DNAH9: variants seen among roughly 807,000 people sequenced by gnomAD.
DNAH9 encodes dynein axonemal heavy chain 9, also known as DNAH9 variant protein.
DNAH9 carries 345 observed loss-of-function variants against 471.6 expected under a neutral mutation model. That is an observed-to-expected ratio of 0.73 (90% CI 0.67 to 0.80). The LOEUF is 0.80. Ranked by LOEUF, DNAH9 falls within the 30% of genes least tolerant of loss-of-function variation. The pLI is 0.00. For synonymous variants in DNAH9, 2,093 were observed against 2,123.6 expected, an observed-to-expected ratio of 0.99 and a Z score of 0.40; for missense variants, 5,407 against 5,609.2, an observed-to-expected ratio of 0.96 and a Z score of 1.15.
intron 59 of DNAH9, among the ~76,000 whole-genome samples, chr17:11,896,486 A>G (rs1044289229): frequency 6.6e-6 from 1 of 152,236 alleles, no homozygotes; most frequent in Admixed American, 6.5e-5. Flanking sequence ...CAAATAATAA[A>G]GTTGTAATTT....
At chr17:11,885,293 G>T (rs1199686452) in intron 56 of DNAH9, among the ~76,000 whole-genome samples, 2 of 152,186 alleles carry the variant, frequency 1.3e-5, no homozygotes, top group Non-Finnish European at 2.9e-5. Context: ...GGGAGGAGGT[G>T]CTTCCCTTGA....
rs1972797685 is a variant in DNAH9 at position 11,883,699 on chromosome 17, G to A, written c.10920G>A (p.Leu3640=). The change falls in exon 56 of 69, where the codon CTG becomes CTA. Residue 3640 remains leucine, a synonymous_variant. Transcript: ENST00000262442. ...ASGNFLGETV[L]VENLEITKQT... The stretch of plus-strand genomic sequence containing the variant: ...GGAACTTCCTGGGAGAAACAGTGCT[G>A]GTGGAAAACCTAGAGATCACCAAGC... 2 of 1,614,148 alleles carry A rather than the reference G, an allele frequency of 1.2e-6. No homozygotes were observed. Among genetic ancestry groups the A allele is most frequent in the Non-Finnish European group, 1.7e-6 (2 of 1,180,024 alleles).
At position 11,605,386 on chromosome 17, in the gene DNAH9, G is replaced by A. The variant is rs188221679; in HGVS notation, c.418-2743G>A. 1.1e-3 allele frequency among the ~76,000 whole-genome samples: 174 copies of A among 152,192 alleles called. 1 individual carries two copies. Among genetic ancestry groups the A allele is most frequent in the Middle Eastern group, 0.01 (3 of 292 alleles). On this transcript the variant is annotated intron_variant, in intron 1 of 68. Coordinates refer to ENST00000262442, the MANE Select transcript of DNAH9 (RefSeq NM_001372.4). ...AGAAATTTTTGACTGTTTTGTTCAC[G>A]GGTGTATCCTCCTAGCACCTAGAAA...
intron 57 of DNAH9, among the ~76,000 whole-genome samples, chr17:11,887,871 C>T (rs1972926659): frequency 6.6e-6 from 1 of 152,182 alleles, no homozygotes; most frequent in African/African-American, 2.4e-5. Context: ...AGAAGGCCTC[C>T]AGTTCCTGGG....
chr17:11,658,033 G>A (rs1056534002), intron 14 of DNAH9, among the ~76,000 whole-genome samples: 2 of 151,948 alleles, frequency 1.3e-5, no homozygotes, highest in East Asian at 1.9e-4. Context: ...TTTAGATTCA[G>A]CCTGCCAATT....
chr17:11,684,605 C>T (rs572399591), intron 19 of DNAH9, among the ~76,000 whole-genome samples: 2 of 152,078 alleles, frequency 1.3e-5, no homozygotes, highest in Non-Finnish European at 2.9e-5. Context: ...GTCTTCTTGC[C>T]CACACCAAGA....
intron 57 of DNAH9, 30 bp from the exon 58 acceptor site, chr17:11,891,747 C>T (rs777697844): frequency 5.6e-6 from 9 of 1,610,966 alleles, no homozygotes; most frequent in Middle Eastern, 3.4e-4. Flanking sequence ...GGGCTGTGTA[C>T]CTTACCAGTT....
intron 26 of DNAH9, among the ~76,000 whole-genome samples, chr17:11,715,910 C>T (rs2074951571): frequency 6.6e-6 from 1 of 152,062 alleles, no homozygotes; most frequent in African/African-American, 2.4e-5. Context: ...AGCAGGAGCA[C>T]ATCAGAGGAG....
At chr17:11,688,656 T>C (rs1407444258) in intron 19 of DNAH9, among the ~76,000 whole-genome samples, 1 of 152,166 alleles carries the variant, frequency 6.6e-6, no homozygotes, top group Non-Finnish European at 1.5e-5. Flanking sequence ...TCTGATTTAG[T>C]TGGTCTATAG....
chr17:11,779,146 G>A lies in DNAH9; in HGVS notation c.7553-1863G>A, dbSNP rs142531013. ...GACTGAACCCCAACCTGTTCCATACGGGTCTTGAGGAGAAATTCAGCCAGA... is the reference window on the plus strand; with the variant it reads ...GACTGAACCCCAACCTGTTCCATACAGGTCTTGAGGAGAAATTCAGCCAGA... On this transcript the variant is annotated intron_variant, in intron 38 of 68. Transcript: ENST00000262442. 4.1e-4 allele frequency among the ~76,000 whole-genome samples: 63 copies of A among 152,248 alleles called. No homozygotes were observed. The East Asian group carries it at 7.5e-3, about 18-fold the overall frequency.
chr17:11,877,473 T>TAAAAAAAAAA (rs550300868), intron 53 of DNAH9, among the ~76,000 whole-genome samples: 2 of 68,612 alleles, frequency 2.9e-5, no homozygotes, highest in African/African-American at 1.4e-4. Flanking sequence ...AAACTCTGTC[T>TAAAAAAAAAA]AAAAAAAAAA....
chr17:11,759,487 T>A (rs1967557718), intron 35 of DNAH9, among the ~76,000 whole-genome samples: 1 of 151,624 alleles, frequency 6.6e-6, no homozygotes, highest in Admixed American at 6.6e-5. Context: ...TAGTATTCCA[T>A]GTGATATACA....
chr17:11,866,087 G>A (rs1458353963), intron 50 of DNAH9, among the ~76,000 whole-genome samples: 1 of 152,098 alleles, frequency 6.6e-6, no homozygotes, highest in Non-Finnish European at 1.5e-5. Flanking sequence ...GAGGAGGAGA[G>A]GTGCTCTGCT....
At chr17:11,826,965 C>T (rs1304163166) in intron 48 of DNAH9, among the ~76,000 whole-genome samples, 1 of 151,702 alleles carries the variant, frequency 6.6e-6, no homozygotes, top group Non-Finnish European at 1.5e-5. Context: ...GCTGGGACTA[C>T]AGGCACCCGC....
chr17:11,886,183 G>A (rs1270024684), intron 56 of DNAH9, among the ~76,000 whole-genome samples: 1 of 152,138 alleles, frequency 6.6e-6, no homozygotes, highest in Non-Finnish European at 1.5e-5. Context: ...AATTAGTCGG[G>A]CGTGGTGGCA....
intron 67 of DNAH9, among the ~76,000 whole-genome samples, chr17:11,958,537 G>A (rs1975796335): frequency 6.6e-6 from 1 of 152,040 alleles, no homozygotes; most frequent in Non-Finnish European, 1.5e-5. Context: ...AATGTACAAC[G>A]CAAAGGGCAA....
intron 56 of DNAH9, 109 bp from the exon 57 acceptor site, chr17:11,886,716 C>T (rs1972888704): frequency 1.5e-6 from 2 of 1,370,164 alleles, no homozygotes; most frequent in East Asian, 4.8e-5. Context: ...CATCCCTCTT[C>T]ACTCCATCCC....
intron 17 of DNAH9, among the ~76,000 whole-genome samples, chr17:11,677,002 A>C (rs1253291238): frequency 6.6e-6 from 1 of 152,062 alleles, no homozygotes; most frequent in Non-Finnish European, 1.5e-5. Flanking sequence ...TTTAGAAATG[A>C]TATGTCTAAT....
chr17:11,862,053 T>G (rs1375457217), intron 50 of DNAH9, among the ~76,000 whole-genome samples: 2 of 140,516 alleles, frequency 1.4e-5, no homozygotes, highest in African/African-American at 5.2e-5. Flanking sequence ...ATTTTGGCTT[T>G]TGTTGCCATT....
Sources: allele counts gnomAD v4.1 joint callset (sites outside exome capture counted in the v4.1 genomes callset), GRCh38; gene constraint gnomAD v4.1.1; transcripts MANE v1.5; gene names NCBI Gene and HGNC (gene_info 2026-07-23, HGNC 2026-07-21).